TOP6BL: variants seen among roughly 807,000 people sequenced by gnomAD.
TOP6BL encodes TOP6B like initiator of meiotic double strand breaks.
At chr11:66,787,083 G>A in the TOP6BL span, among the ~76,000 whole-genome samples, 1 of 151,974 alleles carries the variant, frequency 6.6e-6, no homozygotes, top group Non-Finnish European at 1.5e-5. Context: ...ACAGGAGCAT[G>A]CCACCACACC....
At chr11:66,753,538 C>T in the TOP6BL span, among the ~76,000 whole-genome samples, 1 of 151,490 alleles carries the variant, frequency 6.6e-6, no homozygotes, top group Non-Finnish European at 1.5e-5. Context: ...TCCCGAGTAG[C>T]TGGGACTATA....
the TOP6BL span, among the ~76,000 whole-genome samples, chr11:66,755,781 G>C: frequency 1.3e-5 from 2 of 152,152 alleles, no homozygotes; most frequent in South Asian, 4.1e-4. Flanking sequence ...CCTAGCTTCT[G>C]GTGATTGCTG....
chr11:66,832,742 G>A, the TOP6BL span, among the ~76,000 whole-genome samples: 4 of 152,302 alleles, frequency 2.6e-5, no homozygotes, highest in Middle Eastern at 0.014. Context: ...CACGCCTTGC[G>A]CAAATAAAGC....
At chr11:66,747,364 T>C in the TOP6BL span, among the ~76,000 whole-genome samples, 1 of 152,162 alleles carries the variant, frequency 6.6e-6, no homozygotes, top group Non-Finnish European at 1.5e-5. Context: ...CCAAGTACTG[T>C]GTTAAGCATT....
At chr11:66,838,481 C>A in the TOP6BL span, 8 of 1,570,730 alleles carry the variant, frequency 5.1e-6, no homozygotes, top group Non-Finnish European at 7.0e-6. Flanking sequence ...CCCTGGACTG[C>A]AGCAGAGGAA....
the TOP6BL span, among the ~76,000 whole-genome samples, chr11:66,781,286 T>C: frequency 2.0e-5 from 3 of 152,160 alleles, no homozygotes; most frequent in Middle Eastern, 3.2e-3. Flanking sequence ...GTTTTTGTTA[T>C]TTGTCTTCAG....
At chr11:66,785,348 A>G in the TOP6BL span, among the ~76,000 whole-genome samples, 1 of 152,160 alleles carries the variant, frequency 6.6e-6, no homozygotes, top group Admixed American at 6.5e-5. Context: ...TTTTAAAGGT[A>G]TAAAATATAG....
At chr11:66,822,400 A>G in the TOP6BL span, among the ~76,000 whole-genome samples, 1,647 of 152,136 alleles carry the variant, frequency 0.011, 37 homozygotes, top group African/African-American at 0.037. Context: ...TTAATTCCCT[A>G]AGTGTTATGA....
chr11:66,778,857 C>T, the TOP6BL span, among the ~76,000 whole-genome samples: 83 of 152,126 alleles, frequency 5.5e-4, 1 homozygote, highest in African/African-American at 1.9e-3. Flanking sequence ...GAAATAATGA[C>T]GCATATCTAC....
At chr11:66,798,255 A>ATGTT in the TOP6BL span, among the ~76,000 whole-genome samples, 7 of 152,168 alleles carry the variant, frequency 4.6e-5, no homozygotes, top group African/African-American at 1.7e-4. Context: ...AAAGCATGGA[A>ATGTT]TGTTCCACAT....
chr11:66,825,021 C>T, the TOP6BL span, among the ~76,000 whole-genome samples: 1 of 151,906 alleles, frequency 6.6e-6, no homozygotes, highest in Non-Finnish European at 1.5e-5. Flanking sequence ...GGAATCGCCA[C>T]ACTGACTTAA....
chr11:66,829,068 CAAAAAAAAAA>C, the TOP6BL span, among the ~76,000 whole-genome samples: 4 of 33,102 alleles, frequency 1.2e-4, no homozygotes, highest in Non-Finnish European at 6.1e-5. Flanking sequence ...GCCTCTGTCT[CAAAAAAAAAA>C]AAAAAAAAAA....
the TOP6BL span, chr11:66,744,846 G>GGA: frequency 7.8e-7 from 1 of 1,282,218 alleles, no homozygotes; most frequent in South Asian, 2.6e-5. Context: ...GCGGCGGCGG[G>GGA]CGGGTACCCT....
chr11:66,756,137 C>T, the TOP6BL span, among the ~76,000 whole-genome samples: 1 of 152,158 alleles, frequency 6.6e-6, no homozygotes, highest in Non-Finnish European at 1.5e-5. Flanking sequence ...ATATGATTTT[C>T]ATGATGTTTC....
chr11:66,843,139 T>G, the TOP6BL span: 5 of 1,608,344 alleles, frequency 3.1e-6, no homozygotes, highest in African/African-American at 6.7e-5. Context: ...TGCTGAGAGG[T>G]CCTCACCCCG....
the TOP6BL span, among the ~76,000 whole-genome samples, chr11:66,772,640 C>T: frequency 1.3e-5 from 2 of 152,222 alleles, no homozygotes; most frequent in Admixed American, 1.3e-4. Context: ...TGTGGTGGTG[C>T]GTGCCTTTCT....
At chr11:66,753,180 T>G in the TOP6BL span, among the ~76,000 whole-genome samples, 1 of 152,024 alleles carries the variant, frequency 6.6e-6, no homozygotes, top group Admixed American at 6.6e-5. Context: ...TGTTTAGTTT[T>G]CTTGTATTTC....
At chr11:66,821,886 C>G in the TOP6BL span, 13 of 1,180,622 alleles carry the variant, frequency 1.1e-5, no homozygotes, top group South Asian at 1.9e-4. Context: ...TCTTCTGTCA[C>G]CTGGGTGATC....
At chr11:66,816,246 AAG>A in the TOP6BL span, 2 of 1,556,898 alleles carry the variant, frequency 1.3e-6, no homozygotes, top group Non-Finnish European at 1.7e-6. Flanking sequence ...GCCAAATGCT[AAG>A]AGAGAGGGAA....
Sources: gnomAD v4.1 joint callset for allele counts (sites outside exome capture counted in the v4.1 genomes callset) on GRCh38, gnomAD v4.1.1 for gene constraint, MANE v1.5 for transcripts, NCBI Gene and HGNC (gene_info 2026-07-23, HGNC 2026-07-21) for gene names.